The following LMNTD2 variants were observed in gnomAD, a reference collection of about 807,000 sequenced individuals.
LMNTD2 encodes the protein lamin tail domain containing 2, also known as lamin tail domain-containing protein 2.
In LMNTD2, 83 loss-of-function variants were observed where a neutral mutation model predicts 70.1. The ratio of observed to expected loss-of-function variants is 1.18; its 90% CI spans 0.99 to 1.42. LMNTD2 has a LOEUF of 1.42. Among genes scored for constraint, LMNTD2 ranks in the 40% most tolerant of loss-of-function variants. LMNTD2 has a pLI of 0.00. For missense variants in LMNTD2, 1,153 were observed against 905.9 expected, an observed-to-expected ratio of 1.27 and a Z score of -3.50; for synonymous variants, 534 against 406.1, an observed-to-expected ratio of 1.31 and a Z score of -3.79.
rs1441267555 is a variant in LMNTD2 at position 558,950 on chromosome 11, G to A, written c.64C>T (p.Pro22Ser). Residue 22 changes from proline to serine, a missense_variant, in exon 2 of 14, where the codon CCT becomes TCT. Pro to Ser is a moderately conservative substitution (Grantham distance 74, BLOSUM62 -1). Transcript: ENST00000329451. ...GGGGCTGCAGGTGCGCCTGCTGGAG[G>A]TCCCAGGTGACCACTGACCGACTCT... is the stretch of plus-strand genomic sequence containing the variant. ...EQESVSGHLG[P>S]PAGAPAAPET... 1 of 1,604,226 alleles carries A rather than the reference G, an allele frequency of 6.2e-7. No homozygotes were observed. The highest frequency in any genetic ancestry group is 8.5e-7 in the Non-Finnish European group (1 of 1,179,738).
chr11:558,493 A>G, intron 3 of LMNTD2, 121 bp downstream of exon 3: 1 of 1,291,848 alleles, frequency 7.7e-7, no homozygotes, highest in South Asian at 1.5e-5. Context: ...GTGGAGGGTC[A>G]GCGCGGGCAA....
Position 556,394 on chromosome 11 carries a change from C to T in LMNTD2, c.1074-19G>A, listed in dbSNP as rs142624667. 1 of 1,538,480 alleles carries T rather than the reference C, an allele frequency of 6.5e-7. No homozygotes were observed. The highest frequency in any genetic ancestry group is 8.7e-7 in the Non-Finnish European group (1 of 1,145,766). ...TGTCGGGCTGGGAAGAGAGGAGACG[C>T]TGTGAGGAGATGCGGCCGGTCCACC... is the stretch of plus-strand genomic sequence containing the variant. On this transcript the variant is annotated intron_variant, in intron 9 of 13. Transcript: ENST00000329451.
rs776777138 is a variant in LMNTD2, at chr11:558,053, G to A, written c.400-14C>T. On this transcript the variant is annotated splice_polypyrimidine_tract_variant and intron_variant, in intron 4 of 13. Transcript: ENST00000329451. ...GTGCTCCTTCTCCTGCTCCGAGAGGGCCTGTGGTTGGTGGTGGGGGGGTGT... is the reference window on the plus strand; with the variant it reads ...GTGCTCCTTCTCCTGCTCCGAGAGGACCTGTGGTTGGTGGTGGGGGGGTGT... The A allele has an allele frequency of 2.5e-6, 4 of 1,584,884 alleles. No individual in the cohort carries two copies. The highest frequency in any genetic ancestry group is 1.2e-5 in the South Asian group (1 of 86,802).
chr11:555,140 C>CGGGGCGGGGCGGGGACGGGA, intron 13 of LMNTD2, 29 bp from the exon 14 acceptor site: 1 of 369,880 alleles, frequency 2.7e-6, no homozygotes, highest in Non-Finnish European at 3.7e-6. Flanking sequence ...GAGAGGCGCG[C>CGGGGCGGGGCGGGGACGGGA]GGGGCGGGGC....
At chr11:559,796 G>A (rs1031754804) in intron 1 of LMNTD2, 9 of 1,022,348 alleles carry the variant, frequency 8.8e-6, no homozygotes, top group African/African-American at 6.7e-5. Flanking sequence ...GTCTTGCTCC[G>A]CTGTCCAGGC....
chr11:559,190 C>T (rs896491114), intron 1 of LMNTD2: 11 of 1,474,070 alleles, frequency 7.5e-6, no homozygotes, highest in Middle Eastern at 1.8e-4. Context: ...GGTGTCCACA[C>T]CCGTGTGTTT....
At chr11:558,833 C>T (rs772747615) in intron 2 of LMNTD2, 23 bp downstream of exon 2, 4 of 1,596,606 alleles carry the variant, frequency 2.5e-6, no homozygotes, top group East Asian at 4.5e-5. Flanking sequence ...AGGAGGCTCA[C>T]CAGTCCTCCC....
chr11:556,030 C>T lies in LMNTD2; in HGVS notation c.1343G>A (p.Gly448Asp). Residue 448 changes from glycine to aspartate, a missense_variant, in exon 11 of 14, where the codon GGC (glycine) becomes GAC (aspartate). Gly to Asp is a moderately conservative substitution (Grantham distance 94, BLOSUM62 -1). Transcript: ENST00000329451. The part of the protein sequence containing the change: ...REPVPLLSIR[G>D]CATLLLSPKG... ...GGGGCTCAGGAGCAGCGTCGCGCAG[C>T]CGCGGATGGAGAGGAGGGGAACGGG... is the stretch of plus-strand genomic sequence containing the variant. 5 of 1,556,544 alleles carry T rather than the reference C, an allele frequency of 3.2e-6. No individual in the cohort carries two copies. Among genetic ancestry groups the T allele is most frequent in the Non-Finnish European group, 4.3e-6 (5 of 1,161,832 alleles).
rs751508715 is a variant in LMNTD2, at chr11:555,029, C to T, written c.1856G>A (p.Arg619His). The T allele has an allele frequency of 5.0e-6, 8 of 1,592,698 alleles. No individual in the cohort carries two copies. Among genetic ancestry groups the T allele is most frequent in the Non-Finnish European group, 6.8e-6 (8 of 1,172,960 alleles). The change falls in exon 14 of 14, where the codon CGC (arginine) becomes CAC (histidine). Residue 619 changes from arginine (R) to histidine (H), a missense_variant. Physicochemically the swap from Arg to His is conservative, Grantham distance 29. Transcript: ENST00000329451. ...QNTAESRFGF[R>H]FLSCLPVTAD... ...GGTGACCGGCAGGCAGCTGAGGAAG[C>T]GGAAGCCGAATCTGCTCTCCGCCGT...
chr11:560,180 A>C (rs1478570328), intron 1 of LMNTD2: 2 of 466,872 alleles, frequency 4.3e-6, no homozygotes, highest in Non-Finnish European at 2.8e-6. Context: ...ACAGGCGGGC[A>C]GGAGGCCCAC....
rs1852776606 is a variant in LMNTD2 at position 555,348 on chromosome 11, AGCCCGGCCTCTGC to A, written c.1717_1729del (p.Ala573TrpfsTer95). The A allele has an allele frequency of 7.0e-6, 10 of 1,422,714 alleles. No homozygotes were observed. Among genetic ancestry groups the A allele is most frequent in the Non-Finnish European group, 7.3e-6 (8 of 1,091,316 alleles). The allele number at this position is 1,422,714 out of a possible 1,614,324, so 88.1% of individuals were successfully genotyped here. ...CTGGAGCCGACAGTCCTCCAGGCCC[AGCCCGGCCTCTGC>A]GGGAGGCGACGGCAGGGTGGGGTCA... On this transcript the variant is annotated frameshift_variant, in exon 13 of 14. Transcript: ENST00000329451. LOFTEE classifies it low-confidence loss of function (END_TRUNC).
At chr11:560,282 G>A (rs1264713960) in intron 1 of LMNTD2, 1 of 1,030,980 alleles carries the variant, frequency 9.7e-7, no homozygotes, top group Non-Finnish European at 1.2e-6. Flanking sequence ...AGTAGGGTAG[G>A]GGGTGAAGGA....
Position 556,946 on chromosome 11 carries a change from G to C in LMNTD2, c.865C>G (p.Arg289Gly), listed in dbSNP as rs575385525. The C allele has an allele frequency of 6.2e-7, 1 of 1,601,424 alleles. No individual in the cohort carries two copies. The highest frequency in any genetic ancestry group is 2.2e-5 in the East Asian group (1 of 44,728). The part of the protein sequence containing the change: ...GGADSDSSSC[R>G]PGLPSFVQVI... ...TGCACGAAGGAAGGCAGGCCCGGCC[G>C]GCAGCTGCTGGAGTCGGAGTCAGCG... Residue 289 changes from arginine (R) to glycine (G), a missense_variant, in exon 8 of 14, where the codon CGG becomes GGG. Coordinates refer to ENST00000329451, the MANE Select transcript of LMNTD2 (RefSeq NM_173573.3).
Position 556,643 on chromosome 11 carries a change from TG to T in LMNTD2, c.977-56del. The T allele has an allele frequency of 4.2e-6, 6 of 1,439,748 alleles. No homozygotes were observed. The South Asian group carries it at 5.7e-5, about 14-fold the overall frequency. The allele number at this position is 1,439,748 out of a possible 1,614,324, so 89.2% of individuals were successfully genotyped here. ...ACCCTCGAATGGAGTCCCCACCGGA[TG>T]TTCCCCGTGAGGTCAGAACAGGCCT... On this transcript the variant is annotated intron_variant, in intron 8 of 13. Coordinates refer to ENST00000329451, the MANE Select transcript of LMNTD2 (RefSeq NM_173573.3).
intron 1 of LMNTD2, chr11:560,432 C>G (rs1245775586): frequency 6.4e-6 from 8 of 1,240,854 alleles, no homozygotes; most frequent in Non-Finnish European, 8.1e-6. Flanking sequence ...CGCCCGCCAG[C>G]TCCGCAGGGC....
chr11:558,376 G>T (rs950731265), intron 3 of LMNTD2, 128 bp from the exon 4 acceptor site: 3 of 1,165,758 alleles, frequency 2.6e-6, no homozygotes, highest in Non-Finnish European at 2.4e-6. Flanking sequence ...ACACAGTACA[G>T]CCCCGCTGGG....
At position 555,125 on chromosome 11, in the gene LMNTD2, G is replaced by A. The variant is rs758606853; in HGVS notation, c.1774-14C>T. The A allele has an allele frequency of 3.6e-6, 5 of 1,376,806 alleles. No homozygotes were observed. Among genetic ancestry groups the A allele is most frequent in the South Asian group, 3.1e-5 (2 of 65,494 alleles). The allele number at this position is 1,376,806 out of a possible 1,614,324, so 85.3% of individuals were successfully genotyped here. On this transcript the variant is annotated splice_polypyrimidine_tract_variant and intron_variant, in intron 13 of 13. Coordinates refer to ENST00000329451, the MANE Select transcript of LMNTD2 (RefSeq NM_173573.3). ...CTTCCGGCACACCTGGGGGGCGCGG[G>A]GGCTGAGAGGCGCGCGGGGCGGGGC...
At chr11:558,510 G>A (rs909134985) in intron 3 of LMNTD2, 104 bp downstream of exon 3, 1 of 1,403,000 alleles carries the variant, frequency 7.1e-7, no homozygotes, top group Non-Finnish European at 9.6e-7. Flanking sequence ...GCAAGGATGA[G>A]GGTAAGGATC....
At chr11:560,332 C>G (rs1457050022) in intron 1 of LMNTD2, 4 of 1,112,610 alleles carry the variant, frequency 3.6e-6, no homozygotes, top group Non-Finnish European at 4.4e-6. Flanking sequence ...TGGCCTGGCA[C>G]TGGGTCCAAA....
Sources: allele counts gnomAD v4.1 joint callset, GRCh38; gene constraint gnomAD v4.1.1; transcripts MANE v1.5; gene names NCBI Gene and HGNC (gene_info 2026-07-23, HGNC 2026-07-21).